CTU1: variants seen among roughly 807,000 people sequenced by gnomAD.
CTU1 encodes the protein cytoplasmic tRNA 2-thiolation protein 1.
A neutral mutation model predicts 12.9 loss-of-function variants in CTU1; 15 were observed. The observed-to-expected ratio is 1.16, with a 90% CI of 0.78 to 1.79. The LOEUF (loss-of-function observed/expected upper bound fraction) is 1.79. Ranked by LOEUF, CTU1 falls within the 40% of genes most tolerant of loss-of-function variation. The pLI is 0.00. For synonymous variants in CTU1, 295 were observed against 275.6 expected (o/e 1.07, Z -0.70); for missense variants, 553 against 550.5 (o/e 1.00, Z -0.05).
intron 2 of CTU1, among the ~76,000 whole-genome samples, chr19:51,102,941 C>T (rs1313250707): frequency 1.3e-5 from 2 of 152,192 alleles, no homozygotes; most frequent in African/African-American, 4.8e-5. Context: ...ATAACATGTC[C>T]ATACATGGTC....
At position 51,099,109 on chromosome 19, in the gene CTU1, A is replaced by C; in HGVS notation, c.539T>G (p.Val180Gly). 6.4e-7 allele frequency: 1 copy of C among 1,565,582 alleles called. No individual in the cohort carries two copies. The highest frequency in any genetic ancestry group is 8.6e-7 in the Non-Finnish European group (1 of 1,165,350). Residue 180 changes from valine (V) to glycine (G), a missense_variant, in exon 3 of 3, where the codon GTG (valine) becomes GGG (glycine). By Grantham distance (109) the Val-to-Gly change is moderately radical (BLOSUM62 -3). Coordinates refer to ENST00000421832, the MANE Select transcript of CTU1 (RefSeq NM_145232.4). ...GHNADDMAET[V>G]LMNFLRGDAG... is the part of the protein sequence containing the mutation. ...GTCGCCCCGTAGGAAGTTCATGAGC[A>C]CGGTCTCCGCCATGTCGTCGGCGTT...
At chr19:51,106,274 A>T (rs928509552) in intron 1 of CTU1, among the ~76,000 whole-genome samples, 1 of 151,716 alleles carries the variant, frequency 6.6e-6, no homozygotes, top group South Asian at 2.1e-4. Context: ...TGCCCTGAGT[A>T]CTCTTCCTGC....
At position 51,108,358 on chromosome 19, in the gene CTU1, T is replaced by G. The variant is rs1290953132; in HGVS notation, c.-33A>C. ...GAGGAAATACTCACCCGGGCAGAACTCAGTGCTGGGATGCCCACACTGCCC... is the reference window on the plus strand; with the variant it reads ...GAGGAAATACTCACCCGGGCAGAACGCAGTGCTGGGATGCCCACACTGCCC... On this transcript the variant is annotated 5_prime_UTR_variant, in exon 1 of 3. Transcript: ENST00000421832. The surrounding 1 kb of genome is among the most constrained non-coding windows in gnomAD (Gnocchi z 4.5). 2 of 152,220 alleles carry G rather than the reference T, an allele frequency of 1.3e-5. No individual in the cohort carries two copies. The highest frequency in any genetic ancestry group is 2.4e-5 in the African/African-American group (1 of 41,396). The allele number at this position is 152,220 out of a possible 1,614,324, so 9.4% of individuals were successfully genotyped here.
chr19:51,098,377 C>A lies in CTU1; in HGVS notation c.*224G>T. ...CCTCTCTCAGACCTAGGATGGTCCC[C>A]CAGCCCCCTCCTCCCTCAGAGCCTG... On this transcript the variant is annotated 3_prime_UTR_variant, in exon 3 of 3. Transcript: ENST00000421832. The surrounding 1 kb of genome is among the most constrained non-coding windows in gnomAD (Gnocchi z 4.3). The A allele has an allele frequency of 5.6e-6, 2 of 357,140 alleles. No homozygotes were observed. Among genetic ancestry groups the A allele is most frequent in the East Asian group, 4.6e-5 (1 of 21,632 alleles). 22.1% of individuals were successfully genotyped at this position (357,140 alleles called of 1,614,324 possible). A position where few individuals can be genotyped will look rare whatever the true frequency, so the allele number is the denominator to read the frequency against.
intron 2 of CTU1, among the ~76,000 whole-genome samples, chr19:51,100,662 G>A (rs949135338): frequency 2.6e-5 from 4 of 152,136 alleles, no homozygotes; most frequent in African/African-American, 4.8e-5. Flanking sequence ...GGCAGCCTCC[G>A]GAAGCTGGAA....
intron 2 of CTU1, 71 bp downstream of exon 2, chr19:51,103,991 C>T: frequency 1.5e-6 from 2 of 1,341,260 alleles, no homozygotes. Flanking sequence ...CCTTTCAGGT[C>T]CCGCCTCCTC....
chr19:51,099,433 A>G (rs553927787), intron 2 of CTU1, among the ~76,000 whole-genome samples: 1 of 152,150 alleles, frequency 6.6e-6, no homozygotes, highest in African/African-American at 2.4e-5. Flanking sequence ...ACGCAGAGAG[A>G]GACGGGGAGG....
At chr19:51,103,462 G>A (rs2091911732) in intron 2 of CTU1, among the ~76,000 whole-genome samples, 1 of 151,978 alleles carries the variant, frequency 6.6e-6, no homozygotes, top group Non-Finnish European at 1.5e-5. Flanking sequence ...GCAGGCACCT[G>A]TAGCCCCGGC....
At position 51,098,277 on chromosome 19, in the gene CTU1, C is replaced by T. The variant is rs1254024654; in HGVS notation, c.*324G>A. The T allele has an allele frequency of 3.3e-5, 6 of 182,820 alleles. No individual in the cohort carries two copies. The highest frequency in any genetic ancestry group is 1.9e-4 in the Admixed American group (3 of 16,048). The allele number at this position is 182,820 out of a possible 1,614,324, so 11.3% of individuals were successfully genotyped here. ...CCCTGAGACCCAGGAGTCCACGACC[C>T]CAGGCCCTCCTTCCTCAGCCACAGA... On this transcript the variant is annotated 3_prime_UTR_variant, in exon 3 of 3. Coordinates refer to ENST00000421832, the MANE Select transcript of CTU1 (RefSeq NM_145232.4). The surrounding 1 kb of genome is among the most constrained non-coding windows in gnomAD (Gnocchi z 4.3).
chr19:51,104,613 T>A, intron 1 of CTU1, 23 bp from the exon 2 acceptor site: 1 of 1,228,762 alleles, frequency 8.1e-7, no homozygotes, highest in Non-Finnish European at 1.0e-6. Context: ...AGAGAGGAGG[T>A]GGGTTACATA....
Position 51,104,241 on chromosome 19 carries a change from T to C in CTU1, c.329A>G (p.Glu110Gly), listed in dbSNP as rs2091914172. 2 of 1,511,788 alleles carry C rather than the reference T, an allele frequency of 1.3e-6. No homozygotes were observed. Among genetic ancestry groups the C allele is most frequent in the South Asian group, 1.2e-5 (1 of 81,924 alleles). 93.6% of individuals were successfully genotyped at this position (1,511,788 alleles called of 1,614,324 possible). ...AAVRRQAARW[E>G]LPLTVVAYED... ...GTAGGCCACGACCGTGAGCGGCAGC[T>C]CCCAGCGCGCCGCCTGGCGCCGCAC... The change falls in exon 2 of 3, where the codon GAG (glutamate) becomes GGG (glycine). Residue 110 changes from glutamate to glycine, a missense_variant. By Grantham distance (98) the Glu-to-Gly change is moderately conservative (BLOSUM62 -2). This residue lies in a region of CTU1 where 500 missense variants were observed against 458.5 expected (regional missense o/e 1.09). Coordinates refer to ENST00000421832, the MANE Select transcript of CTU1 (RefSeq NM_145232.4).
rs1026537694 is a variant in CTU1, at chr19:51,098,013, T to C, written c.*588A>G. 3 of 152,232 alleles carry C rather than the reference T, an allele frequency of 2.0e-5. No individual in the cohort carries two copies. The highest frequency in any genetic ancestry group is 2.9e-5 in the Non-Finnish European group (2 of 68,104). 9.4% of individuals were successfully genotyped at this position (152,232 alleles called of 1,614,324 possible). On this transcript the variant is annotated 3_prime_UTR_variant, in exon 3 of 3. Transcript: ENST00000421832. This position sits in a 1 kb window ranked among gnomAD's most constrained non-coding sequence, Gnocchi z 4.3. ...TGGTGGAGACGAAATGAGGGTGCAG[T>C]GCGTGCTACACACGAAGCGCTGGAA...
chr19:51,098,510 A>C lies in CTU1; in HGVS notation c.*91T>G. Reference sequence around the variant, plus strand: ...CGTCTCCTTCCCAACCCCACATGGAAGGCCAGGTAAGGTAACGGGTTTATT... The same window carrying C: ...CGTCTCCTTCCCAACCCCACATGGACGGCCAGGTAAGGTAACGGGTTTATT... On this transcript the variant is annotated 3_prime_UTR_variant, in exon 3 of 3. Coordinates refer to ENST00000421832, the MANE Select transcript of CTU1 (RefSeq NM_145232.4). The surrounding 1 kb of genome is among the most constrained non-coding windows in gnomAD (Gnocchi z 4.3). 1.8e-6 allele frequency: 2 copies of C among 1,120,286 alleles called. No homozygotes were observed. The highest frequency in any genetic ancestry group is 2.2e-6 in the Non-Finnish European group (2 of 897,904). The allele number at this position is 1,120,286 out of a possible 1,614,324, so 69.4% of individuals were successfully genotyped here. A position where few individuals can be genotyped will look rare whatever the true frequency, so the allele number is the denominator to read the frequency against.
In CTU1 at chr19:51,104,084, C is replaced by T. The variant is rs1011130348; in HGVS notation, c.486G>A (p.Val162=). 8.9e-6 allele frequency: 13 copies of T among 1,464,870 alleles called. No homozygotes were observed. Among genetic ancestry groups the T allele is most frequent in the Non-Finnish European group, 1.2e-5 (13 of 1,123,528 alleles). The allele number at this position is 1,464,870 out of a possible 1,614,324, so 90.7% of individuals were successfully genotyped here. A position where few individuals can be genotyped will look rare whatever the true frequency, so the allele number is the denominator to read the frequency against. ...CACCTGTCACGATGTGCGTGGCTCC[C>T]ACGCGGCGCGCCCCTTCCTCCAGCG... ...RRALEEGARR[V]GATHIVTGHN... Residue 162 remains valine (V), a synonymous_variant, in exon 2 of 3, where the codon GTG becomes GTA. Coordinates refer to ENST00000421832, the MANE Select transcript of CTU1 (RefSeq NM_145232.4).
chr19:51,101,099 C>T (rs1051635429), intron 2 of CTU1, among the ~76,000 whole-genome samples: 2 of 152,046 alleles, frequency 1.3e-5, no homozygotes, highest in Non-Finnish European at 2.9e-5. Flanking sequence ...TGTGTGCCAC[C>T]ATGCCCAGCT....
intron 1 of CTU1, among the ~76,000 whole-genome samples, chr19:51,106,921 G>A (rs563625569): frequency 6.6e-6 from 1 of 152,052 alleles, no homozygotes; most frequent in African/African-American, 2.4e-5. Context: ...GACCCTAAGC[G>A]CCCAGACAAC....
Position 51,104,127 on chromosome 19 carries a change from C to T in CTU1, c.443G>A (p.Gly148Glu). The T allele has an allele frequency of 6.6e-7, 1 of 1,511,278 alleles. No individual in the cohort carries two copies. The allele number at this position is 1,511,278 out of a possible 1,614,324, so 93.6% of individuals were successfully genotyped here. A position where few individuals can be genotyped will look rare whatever the true frequency, so the allele number is the denominator to read the frequency against. Reference sequence around the variant, plus strand: ...CTCCAGCGCCCGGCGCCGCAGCACTCCACAGAAGGTGCAGCAGGAGCGGCT... The same window carrying T: ...CTCCAGCGCCCGGCGCCGCAGCACTTCACAGAAGGTGCAGCAGGAGCGGCT... ...GRSRSCCTFC[G>E]VLRRRALEEG... Residue 148 changes from glycine (G) to glutamate (E), a missense_variant, in exon 2 of 3, where the codon GGA becomes GAA. Gly to Glu is a moderately conservative substitution (Grantham distance 98, BLOSUM62 -2). Transcript: ENST00000421832.
intron 2 of CTU1, among the ~76,000 whole-genome samples, 181 bp downstream of exon 2, chr19:51,103,881 C>T (rs1397682491): frequency 6.6e-6 from 1 of 152,206 alleles, no homozygotes; most frequent in Admixed American, 6.5e-5. Context: ...GGGCCCCAGC[C>T]CCAAACTGCA....
rs1482413869 is a variant in CTU1, at chr19:51,104,163, C to G, written c.407G>C (p.Gly136Ala). The G allele has an allele frequency of 6.6e-7, 1 of 1,519,168 alleles. No homozygotes were observed. The highest frequency in any genetic ancestry group is 8.8e-7 in the Non-Finnish European group (1 of 1,141,558). 94.1% of individuals were successfully genotyped at this position (1,519,168 alleles called of 1,614,324 possible). A position where few individuals can be genotyped will look rare whatever the true frequency, so the allele number is the denominator to read the frequency against. Residue 136 changes from glycine (G) to alanine (A), a missense_variant, in exon 2 of 3, where the codon GGC becomes GCC. Transcript: ENST00000421832. ...GCAGCAGGAGCGGCTGCGGCCGGAG[C>G]CGGCTGTGCTGCGGGCCACGGCGTC... ...TMDAVARSTAGSGRSRSCCTF... is the reference protein window; with the variant it reads ...TMDAVARSTAASGRSRSCCTF...
Sources: allele counts gnomAD v4.1 joint callset (sites outside exome capture counted in the v4.1 genomes callset), GRCh38; gene constraint gnomAD v4.1.1; regional missense constraint gnomAD v4.1.1; non-coding constraint Gnocchi (gnomAD v3.1); transcripts MANE v1.5; gene names NCBI Gene and HGNC (gene_info 2026-07-23, HGNC 2026-07-21).